IDE: variants seen among roughly 807,000 people sequenced by gnomAD.
The protein encoded by IDE is insulin degrading enzyme.
In IDE, 58 loss-of-function variants were observed where a neutral mutation model predicts 133.2. That is an observed-to-expected ratio of 0.44 (90% CI 0.35 to 0.54). IDE has a LOEUF of 0.54. Ranked by LOEUF, IDE falls within the 20% of genes least tolerant of loss-of-function variation. The pLI is 0.00. For synonymous variants in IDE, 396 were observed against 421.3 expected, an observed-to-expected ratio of 0.94 and a Z score of 0.73; for missense variants, 981 against 1,234.0, an observed-to-expected ratio of 0.79 and a Z score of 3.07.
intron 1 of IDE, among the ~76,000 whole-genome samples, chr10:92,559,638 A>T (rs975146494): frequency 1.3e-5 from 2 of 152,176 alleles, no homozygotes; most frequent in Non-Finnish European, 2.9e-5. Context: ...TAACTGCCAA[A>T]GGGTATAATG....
At chr10:92,471,628 A>C (rs148742237) in intron 17 of IDE, among the ~76,000 whole-genome samples, 1 of 152,136 alleles carries the variant, frequency 6.6e-6, no homozygotes, top group Non-Finnish European at 1.5e-5. Flanking sequence ...GTCTCTCTCT[A>C]TTAAAATGAT....
chr10:92,474,719 C>T, intron 17 of IDE, 122 bp downstream of exon 17: 1 of 822,852 alleles, frequency 1.2e-6, no homozygotes, highest in African/African-American at 1.8e-5. Flanking sequence ...AAAACATATA[C>T]ACAGCCAGCT....
chr10:92,510,685 T>C (rs1275027307), intron 5 of IDE, among the ~76,000 whole-genome samples: 4 of 151,520 alleles, frequency 2.6e-5, no homozygotes, highest in African/African-American at 9.7e-5. Context: ...ATATGATATA[T>C]ATCACATACA....
intron 11 of IDE, among the ~76,000 whole-genome samples, chr10:92,496,223 A>G (rs1847694723): frequency 6.6e-6 from 1 of 152,208 alleles, no homozygotes; most frequent in Non-Finnish European, 1.5e-5. Flanking sequence ...TTAGGCTTAA[A>G]GTTTAGAAAA....
chr10:92,501,411 C>A (rs1053470800), intron 11 of IDE, among the ~76,000 whole-genome samples: 1 of 146,966 alleles, frequency 6.8e-6, no homozygotes, highest in Non-Finnish European at 1.5e-5. Context: ...TTGGCTCACG[C>A]CTGTAATCCC....
chr10:92,480,983 T>A (rs1484197405), intron 14 of IDE: 1 of 728,152 alleles, frequency 1.4e-6, no homozygotes, highest in Non-Finnish European at 1.7e-6. Context: ...AAAGACAAAG[T>A]TCTACAGCTA....
chr10:92,507,684 AC>A lies in IDE; in HGVS notation c.1154-19del, dbSNP rs2135536153. The A allele has an allele frequency of 1.5e-6, 2 of 1,328,578 alleles. No individual in the cohort carries two copies. Among genetic ancestry groups the A allele is most frequent in the East Asian group, 4.6e-5 (2 of 43,558 alleles). 82.3% of individuals were successfully genotyped at this position (1,328,578 alleles called of 1,614,324 possible). ...AACATGTACTGGAAAAAAGGGGCACACTTAAAAACCATTCAGTCCTTGAATC... is the reference window on the plus strand; with the variant it reads ...AACATGTACTGGAAAAAAGGGGCACATTAAAAACCATTCAGTCCTTGAATC... On this transcript the variant is annotated intron_variant, in intron 8 of 24. Coordinates refer to ENST00000265986, the MANE Select transcript of IDE (RefSeq NM_004969.4).
At chr10:92,462,714 C>G (rs1845461274) in intron 21 of IDE, among the ~76,000 whole-genome samples, 1 of 152,238 alleles carries the variant, frequency 6.6e-6, no homozygotes, top group African/African-American at 2.4e-5. Context: ...GCTTTTGGAT[C>G]TTGGCCAGTC....
Position 92,507,598 on chromosome 10 carries a change from C to A in IDE, c.1222G>T (p.Glu408Ter). The A allele has an allele frequency of 6.2e-7, 1 of 1,605,620 alleles. No individual in the cohort carries two copies. The highest frequency in any genetic ancestry group is 8.5e-7 in the Non-Finnish European group (1 of 1,172,284). ...IQKLRAEGPQEWVFQECKDLN... is the reference protein window; with the variant it reads ...IQKLRAEGPQ ...ACCTTGCACTCTTGGAAAACCCATT[C>A]TTGAGGTCCTTCTGCACGTAACTTC... The change falls in exon 9 of 25, where the codon GAA becomes TAA. Residue 408 changes from glutamate (E) to a stop codon, truncating the protein, a stop_gained. Transcript: ENST00000265986. LOFTEE classifies it high-confidence loss of function.
intron 21 of IDE, among the ~76,000 whole-genome samples, chr10:92,461,926 G>A (rs1017026389): frequency 7.9e-5 from 12 of 151,810 alleles, no homozygotes; most frequent in African/African-American, 1.9e-4. Context: ...CGCCCGCCTC[G>A]CACTCCCAAA....
intron 1 of IDE, among the ~76,000 whole-genome samples, chr10:92,543,857 T>C (rs552961173): frequency 2.0e-5 from 3 of 151,936 alleles, no homozygotes; most frequent in Non-Finnish European, 4.4e-5. Flanking sequence ...GAGGTAACTA[T>C]AGAAAGTTTC....
intron 23 of IDE, 120 bp from the exon 24 acceptor site, chr10:92,455,763 C>T: frequency 1.6e-6 from 1 of 623,140 alleles, no homozygotes; most frequent in Non-Finnish European, 2.9e-6. Flanking sequence ...CGTTCATGTA[C>T]TTCTCAGATC....
In IDE at chr10:92,573,975, G is replaced by C. The variant is rs1180976283; in HGVS notation, c.45C>G (p.Ser15Arg). 4 of 1,504,586 alleles carry C rather than the reference G, an allele frequency of 2.7e-6. No homozygotes were observed. In the African/African-American group the frequency reaches 5.8e-5, roughly 22 times the overall value. 93.2% of individuals were successfully genotyped at this position (1,504,586 alleles called of 1,614,324 possible). Reference protein sequence around the residue: ...LAWLLHPALPSTFRSVLGARL... With the variant: ...LAWLLHPALPRTFRSVLGARL... Reference sequence around the variant, plus strand: ...GGGCGCCGAGGACTGAGCGGAAGGTGCTGGGCAGTGCGGGGTGCAGAAGCC... The same window carrying C: ...GGGCGCCGAGGACTGAGCGGAAGGTCCTGGGCAGTGCGGGGTGCAGAAGCC... Residue 15 changes from serine to arginine, a missense_variant, in exon 1 of 25, where the codon AGC becomes AGG. Coordinates refer to ENST00000265986, the MANE Select transcript of IDE (RefSeq NM_004969.4).
chr10:92,569,298 C>T (rs1406978721), intron 1 of IDE, among the ~76,000 whole-genome samples: 1 of 152,186 alleles, frequency 6.6e-6, no homozygotes, highest in Admixed American at 6.5e-5. Context: ...GAAGTTTGAA[C>T]TTGATCTTGA....
chr10:92,563,911 C>T (rs1843399523), intron 1 of IDE, among the ~76,000 whole-genome samples: 1 of 152,140 alleles, frequency 6.6e-6, no homozygotes, highest in Admixed American at 6.5e-5. Flanking sequence ...CTGCTTTAAC[C>T]ATATGCTAGA....
chr10:92,470,305 G>C lies in IDE; in HGVS notation c.2157C>G (p.Leu719=), dbSNP rs780005131. The C allele has an allele frequency of 1.2e-6, 2 of 1,605,822 alleles. No homozygotes were observed. The highest frequency in any genetic ancestry group is 1.7e-6 in the Non-Finnish European group (2 of 1,175,704). The change falls in exon 18 of 25, where the codon CTC becomes CTG. Residue 719 remains leucine (L), a synonymous_variant. Coordinates refer to ENST00000265986, the MANE Select transcript of IDE (RefSeq NM_004969.4). Reference sequence around the variant, plus strand: ...GGGCTTCAATGTGCAGCCGTGACAGGAGCTGAGGTATGAAGGCCTTAAGGC... The same window carrying C: ...GGGCTTCAATGTGCAGCCGTGACAGCAGCTGAGGTATGAAGGCCTTAAGGC... ...LPRLKAFIPQ[L]LSRLHIEALL... is the part of the protein sequence containing the mutation.
In IDE at chr10:92,479,367, C is replaced by T; in HGVS notation, c.1794G>A (p.Glu598=). Residue 598 remains glutamate, a synonymous_variant, in exon 15 of 25, where the codon GAG becomes GAA. Transcript: ENST00000265986. ...LHCNMAYLYL[E]LLKDSLNEYA... Reference sequence around the variant, plus strand: ...ACTCGTTGAGTGAGTCTTTGAGGAGCTCAAGGTACAAATAGGCCATGTTAC... The same window carrying T: ...ACTCGTTGAGTGAGTCTTTGAGGAGTTCAAGGTACAAATAGGCCATGTTAC... 1 of 1,613,510 alleles carries T rather than the reference C, an allele frequency of 6.2e-7. No individual in the cohort carries two copies. The highest frequency in any genetic ancestry group is 2.2e-5 in the East Asian group (1 of 44,874).
In IDE at chr10:92,514,939, A is replaced by G. The variant is rs762590241; in HGVS notation, c.765T>C (p.Ala255=). 2 of 1,612,022 alleles carry G rather than the reference A, an allele frequency of 1.2e-6. No individual in the cohort carries two copies. The highest frequency in any genetic ancestry group is 2.7e-5 in the African/African-American group (2 of 74,868). ...TCTTACCTCGACCTAAAACACAAAC[A>G]GCCATTAAGTTGGATGAATAGTAAG... ...HSAYYSSNLM[A]VCVLGRESLD... Residue 255 remains alanine, a synonymous_variant, in exon 5 of 25, where the codon GCT becomes GCC. Coordinates refer to ENST00000265986, the MANE Select transcript of IDE (RefSeq NM_004969.4).
At chr10:92,547,088 CTTCTT>C (rs1842563409) in intron 1 of IDE, among the ~76,000 whole-genome samples, 3 of 152,064 alleles carry the variant, frequency 2.0e-5, no homozygotes, top group Non-Finnish European at 4.4e-5. Flanking sequence ...TCTTCTTCTT[CTTCTT>C]TTTTGTAAGA....
Sources: allele counts gnomAD v4.1 joint callset (sites outside exome capture counted in the v4.1 genomes callset), GRCh38; gene constraint gnomAD v4.1.1; transcripts MANE v1.5; gene names NCBI Gene and HGNC (gene_info 2026-07-23, HGNC 2026-07-21).